RAB30: variants seen among roughly 807,000 people sequenced by gnomAD.
The protein encoded by RAB30 is ras-related protein Rab-30.
A neutral mutation model predicts 25.1 loss-of-function variants in RAB30; 9 were observed. That is an observed-to-expected ratio of 0.36 (90% CI 0.22 to 0.63). The LOEUF (loss-of-function observed/expected upper bound fraction) is 0.63, where lower values mean the gene tolerates loss of function less well. Ranked by LOEUF, RAB30 falls within the 20% of genes least tolerant of loss-of-function variation. The pLI is 0.69. For synonymous variants in RAB30, 77 were observed against 86.4 expected, an observed-to-expected ratio of 0.89 and a Z score of 0.60; for missense variants, 140 against 243.5, an observed-to-expected ratio of 0.58 and a Z score of 2.83.
chr11:83,048,135 A>C (rs1565288829), intron 1 of RAB30, among the ~76,000 whole-genome samples: 1 of 152,090 alleles, frequency 6.6e-6, no homozygotes, highest in Non-Finnish European at 1.5e-5. Flanking sequence ...CCCAGTAATG[A>C]CATGGAGTCA....
intron 1 of RAB30, among the ~76,000 whole-genome samples, chr11:83,021,293 C>T (rs1171114038): frequency 6.6e-6 from 1 of 152,324 alleles, no homozygotes; most frequent in Non-Finnish European, 1.5e-5. Context: ...CCCTTGCTCA[C>T]CAGGTTATGA....
chr11:83,019,905 T>G (rs913474767), intron 1 of RAB30, among the ~76,000 whole-genome samples: 12 of 152,196 alleles, frequency 7.9e-5, no homozygotes, highest in Admixed American at 2.6e-4. Flanking sequence ...TCAGTTCCCC[T>G]AACTAGAAAA....
chr11:82,976,041 T>C lies in RAB30; in HGVS notation c.*6124A>G, dbSNP rs1256851102. 6.6e-6 allele frequency: 1 copy of C among 152,134 alleles called. No individual in the cohort carries two copies. Among genetic ancestry groups the C allele is most frequent in the Non-Finnish European group, 1.5e-5 (1 of 68,006 alleles). 9.4% of individuals were successfully genotyped at this position (152,134 alleles called of 1,614,324 possible). On this transcript the variant is annotated 3_prime_UTR_variant, in exon 5 of 5. Transcript: ENST00000527633. ...GAGTTTACAACCCTGGAATTGCCTATTGGGAGAGAGAGAGAGACCACCTTG... is the reference window on the plus strand; with the variant it reads ...GAGTTTACAACCCTGGAATTGCCTACTGGGAGAGAGAGAGAGACCACCTTG...
intron 4 of RAB30, among the ~76,000 whole-genome samples, chr11:82,983,492 G>A (rs529402411): frequency 2.6e-5 from 4 of 152,162 alleles, no homozygotes; most frequent in Admixed American, 2.0e-4. Flanking sequence ...GGGCAGTGGC[G>A]CGATCCTGAC....
At position 83,053,012 on chromosome 11, in the gene RAB30, C is replaced by G. The variant is rs551037458; in HGVS notation, c.-9+18679G>C. 2.0e-5 allele frequency among the ~76,000 whole-genome samples: 3 copies of G among 152,264 alleles called. No individual in the cohort carries two copies. In the East Asian group the frequency reaches 5.8e-4, roughly 29 times the overall value. On this transcript the variant is annotated intron_variant, in intron 1 of 4. Transcript: ENST00000527633. ...GATCTACCACCTCAGAGAGAAGACA[C>G]AGGGAACTGGAGCTGTCCTTCAGTG...
At chr11:82,994,203 C>T in intron 2 of RAB30, 81 bp from the exon 3 acceptor site, 1 of 1,213,282 alleles carries the variant, frequency 8.2e-7, no homozygotes, top group Non-Finnish European at 1.2e-6. Context: ...CAGCAACACC[C>T]ATCACCGGAG....
At chr11:82,983,493 C>T (rs550785770) in intron 4 of RAB30, among the ~76,000 whole-genome samples, 3 of 152,206 alleles carry the variant, frequency 2.0e-5, no homozygotes, top group South Asian at 2.1e-4. Flanking sequence ...GGCAGTGGCG[C>T]GATCCTGACT....
Position 82,973,533 on chromosome 11 carries a change from A to C in RAB30, c.*8632T>G, listed in dbSNP as rs1356182505. The C allele has an allele frequency of 6.6e-6, 1 of 152,226 alleles. No homozygotes were observed. The highest frequency in any genetic ancestry group is 1.5e-5 in the Non-Finnish European group (1 of 68,030). 9.4% of individuals were successfully genotyped at this position (152,226 alleles called of 1,614,324 possible). ...GAAATCCTCTATGTGATGGCAACTCAATTTCTACAAGACTGAAACAGTCTT... is the reference window on the plus strand; with the variant it reads ...GAAATCCTCTATGTGATGGCAACTCCATTTCTACAAGACTGAAACAGTCTT... On this transcript the variant is annotated 3_prime_UTR_variant, in exon 5 of 5. Coordinates refer to ENST00000527633, the MANE Select transcript of RAB30 (RefSeq NM_001286060.2).
intron 1 of RAB30, among the ~76,000 whole-genome samples, chr11:82,998,449 G>A: frequency 6.6e-6 from 1 of 151,528 alleles, no homozygotes; most frequent in Admixed American, 6.6e-5. Context: ...TCAGGAGGCT[G>A]AGGCACAAGA....
chr11:83,002,737 G>C (rs1488710042), intron 1 of RAB30, among the ~76,000 whole-genome samples: 2 of 152,028 alleles, frequency 1.3e-5, no homozygotes, highest in Admixed American at 1.3e-4. Flanking sequence ...AGTTTGCAGT[G>C]ACTCATGATC....
intron 1 of RAB30, among the ~76,000 whole-genome samples, chr11:83,002,660 C>T (rs984827408): frequency 2.0e-5 from 3 of 150,838 alleles, no homozygotes; most frequent in Non-Finnish European, 2.9e-5. Context: ...CTTTACCAGG[C>T]GTGGTGGCTC....
chr11:83,030,624 C>G (rs1299450008), intron 1 of RAB30, among the ~76,000 whole-genome samples: 1 of 151,960 alleles, frequency 6.6e-6, no homozygotes, highest in African/African-American at 2.4e-5. Context: ...ATGGTGAAAC[C>G]CCATCTCCAC....
chr11:83,021,532 G>A (rs1031993069), intron 1 of RAB30, among the ~76,000 whole-genome samples: 3 of 152,218 alleles, frequency 2.0e-5, no homozygotes, highest in Non-Finnish European at 4.4e-5. Context: ...CTGCCCGCCC[G>A]GCAGCAGCAG....
At chr11:83,058,928 C>T (rs1037105941) in intron 1 of RAB30, among the ~76,000 whole-genome samples, 4 of 152,220 alleles carry the variant, frequency 2.6e-5, no homozygotes, top group African/African-American at 9.7e-5. Context: ...TGACCAGCCA[C>T]CAATGGCTAA....
intron 1 of RAB30, among the ~76,000 whole-genome samples, chr11:82,999,623 G>A (rs1036517020): frequency 1.3e-5 from 2 of 151,996 alleles, no homozygotes; most frequent in African/African-American, 4.8e-5. Context: ...CACATTCTAG[G>A]CTCACTGGAT....
chr11:83,059,176 A>C (rs1201413160), intron 1 of RAB30, among the ~76,000 whole-genome samples: 1 of 152,198 alleles, frequency 6.6e-6, no homozygotes, highest in African/African-American at 2.4e-5. Flanking sequence ...TCCTGGGCTC[A>C]AATGACCTGC....
At chr11:82,993,569 A>C (rs1856900045) in intron 3 of RAB30, among the ~76,000 whole-genome samples, 1 of 152,246 alleles carries the variant, frequency 6.6e-6, no homozygotes, top group African/African-American at 2.4e-5. Context: ...CAGGGGCTAG[A>C]GAGCATGTAT....
chr11:83,043,830 C>T (rs535307230), intron 1 of RAB30, among the ~76,000 whole-genome samples: 2 of 152,088 alleles, frequency 1.3e-5, no homozygotes, highest in Non-Finnish European at 2.9e-5. Context: ...AGCAAGTTAC[C>T]GTGCAGTGAA....
intron 1 of RAB30, among the ~76,000 whole-genome samples, chr11:83,049,268 T>C (rs1243278913): frequency 6.6e-6 from 1 of 151,380 alleles, no homozygotes; most frequent in Non-Finnish European, 1.5e-5. Flanking sequence ...AAAATTAGCT[T>C]GGTGTCATGG....
Sources: gnomAD v4.1 joint callset for allele counts (sites outside exome capture counted in the v4.1 genomes callset) on GRCh38, gnomAD v4.1.1 for gene constraint, MANE v1.5 for transcripts, NCBI Gene and HGNC (gene_info 2026-07-23, HGNC 2026-07-21) for gene names.